Variants in RHBDD1 observed in about 807,000 individuals in gnomAD.
RHBDD1 encodes the protein rhomboid-related protein 4.
A neutral mutation model predicts 36.3 loss-of-function variants in RHBDD1; 38 were observed. That is an observed-to-expected ratio of 1.05 (90% CI 0.81 to 1.37). The LOEUF (loss-of-function observed/expected upper bound fraction) is 1.37, where lower values mean the gene tolerates loss of function less well. Among genes scored for constraint, RHBDD1 ranks in the 40% most tolerant of loss-of-function variants. The probability of loss-of-function intolerance (pLI) is 0.00; values close to 1 mark genes in which losing one functional copy is unlikely to be tolerated. For missense variants in RHBDD1, 393 were observed against 377.6 expected (o/e 1.04, Z -0.34); for synonymous variants, 151 against 136.5 (o/e 1.11, Z -0.74).
In RHBDD1 at chr2:226,865,037, CTGGAG is replaced by C. The variant is rs1382709115; in HGVS notation, c.348_352del (p.Val117IlefsTer14). On this transcript the variant is annotated frameshift_variant, in exon 4 of 9. Coordinates refer to ENST00000392062, the MANE Select transcript of RHBDD1 (RefSeq NM_001167608.3). LOFTEE classifies it high-confidence loss of function. ...GTTATCACCGCATTTTCTGTACTTACTGGAGTGGTATACCTGCTCTTGCAATTTGC... is the reference window on the plus strand; with the variant it reads ...GTTATCACCGCATTTTCTGTACTTACTGGTATACCTGCTCTTGCAATTTGC... 4 of 1,614,160 alleles carry C rather than the reference CTGGAG, an allele frequency of 2.5e-6. No individual in the cohort carries two copies. Among genetic ancestry groups the C allele is most frequent in the Non-Finnish European group, 3.4e-6 (4 of 1,179,988 alleles).
At chr2:226,972,589 C>T (rs534372295) in intron 8 of RHBDD1, among the ~76,000 whole-genome samples, 6 of 152,288 alleles carry the variant, frequency 3.9e-5, no homozygotes, top group South Asian at 4.1e-4. Flanking sequence ...GCTTCATGGA[C>T]GGAGCTTCTG....
chr2:226,894,079 T>C (rs1946896206), intron 5 of RHBDD1, among the ~76,000 whole-genome samples: 1 of 152,186 alleles, frequency 6.6e-6, no homozygotes, highest in Admixed American at 6.5e-5. Context: ...TTAAGAGTTT[T>C]TTAACCTCAC....
intron 8 of RHBDD1, among the ~76,000 whole-genome samples, chr2:226,975,208 A>G (rs868029714): frequency 1.3e-5 from 2 of 152,206 alleles, no homozygotes; most frequent in South Asian, 4.1e-4. Flanking sequence ...TCTTCATAAC[A>G]GGACCATGTA....
the RHBDD1 span, among the ~76,000 whole-genome samples, chr2:226,825,242 A>G: frequency 6.6e-6 from 1 of 152,206 alleles, no homozygotes; most frequent in Non-Finnish European, 1.5e-5. Flanking sequence ...ATTTTTCATT[A>G]TAATCATGGA....
intron 8 of RHBDD1, among the ~76,000 whole-genome samples, chr2:226,928,437 A>G (rs988384833): frequency 1.3e-5 from 2 of 152,120 alleles, no homozygotes; most frequent in Non-Finnish European, 2.9e-5. Context: ...ATGGAAATTA[A>G]ATAATTCTTC....
At chr2:226,892,454 T>C (rs1559238878) in intron 5 of RHBDD1, among the ~76,000 whole-genome samples, 1 of 152,244 alleles carries the variant, frequency 6.6e-6, no homozygotes, top group Admixed American at 6.5e-5. Context: ...TCATCATCTT[T>C]GGCCATGTGC....
At chr2:226,812,653 T>C in the RHBDD1 span, among the ~76,000 whole-genome samples, 1 of 152,138 alleles carries the variant, frequency 6.6e-6, no homozygotes, top group Admixed American at 6.5e-5. Flanking sequence ...CTCTCTTTTT[T>C]TTTGGAAAGC....
At chr2:226,933,837 G>A (rs1173041512) in intron 8 of RHBDD1, among the ~76,000 whole-genome samples, 1 of 152,098 alleles carries the variant, frequency 6.6e-6, no homozygotes. Flanking sequence ...ACTGGGGTTT[G>A]AATTATCATT....
intron 5 of RHBDD1, chr2:226,867,523 C>A (rs1944437112): frequency 1.0e-6 from 1 of 955,102 alleles, no homozygotes; most frequent in East Asian, 1.2e-4. Context: ...TTTTGGGTCA[C>A]TTGTCTTAAC....
chr2:226,961,247 G>A (rs1025943221), intron 8 of RHBDD1, among the ~76,000 whole-genome samples: 1 of 152,112 alleles, frequency 6.6e-6, no homozygotes, highest in African/African-American at 2.4e-5. Flanking sequence ...TGTGGGTAGG[G>A]AGGTATATTA....
intron 8 of RHBDD1, among the ~76,000 whole-genome samples, chr2:226,979,055 A>G (rs765733246): frequency 1.3e-5 from 2 of 152,184 alleles, no homozygotes; most frequent in East Asian, 3.9e-4. Context: ...ATGATAGGCC[A>G]TCTGCGGGCT....
chr2:226,966,238 G>A (rs62189769), intron 8 of RHBDD1, among the ~76,000 whole-genome samples: 1 of 152,140 alleles, frequency 6.6e-6, no homozygotes, highest in African/African-American at 2.4e-5. Context: ...CAGGTGAGAA[G>A]CAGGTCAATC....
chr2:226,896,335 A>G (rs1423980272), intron 5 of RHBDD1, among the ~76,000 whole-genome samples: 3 of 152,326 alleles, frequency 2.0e-5, no homozygotes, highest in Non-Finnish European at 4.4e-5. Flanking sequence ...TGCACAAGCC[A>G]GAAGCCTAGA....
chr2:226,945,622 G>A (rs751356647), intron 8 of RHBDD1, among the ~76,000 whole-genome samples: 16 of 152,018 alleles, frequency 1.1e-4, no homozygotes, highest in Non-Finnish European at 1.9e-4. Context: ...GTAAACATAC[G>A]TCTGCATGTG....
intron 3 of RHBDD1, among the ~76,000 whole-genome samples, chr2:226,849,923 TA>T (rs1234056394): frequency 2.6e-5 from 4 of 152,222 alleles, no homozygotes; most frequent in Admixed American, 2.0e-4. Flanking sequence ...ATTTATTTTT[TA>T]CATCTTGCCA....
At chr2:226,963,781 A>T (rs538630328) in intron 8 of RHBDD1, among the ~76,000 whole-genome samples, 1 of 152,114 alleles carries the variant, frequency 6.6e-6, no homozygotes, top group African/African-American at 2.4e-5. Context: ...CCTATCATAC[A>T]TGCACATTAA....
chr2:226,956,319 C>T (rs1342729065), intron 8 of RHBDD1, among the ~76,000 whole-genome samples: 1 of 152,130 alleles, frequency 6.6e-6, no homozygotes, highest in Non-Finnish European at 1.5e-5. Flanking sequence ...TGATGTAGTC[C>T]CCTCTGCTAG....
intron 5 of RHBDD1, among the ~76,000 whole-genome samples, chr2:226,895,492 G>A (rs1488355646): frequency 6.6e-6 from 1 of 152,176 alleles, no homozygotes; most frequent in African/African-American, 2.4e-5. Context: ...TCTAGGATGT[G>A]TCTGGTTACA....
intron 3 of RHBDD1, among the ~76,000 whole-genome samples, chr2:226,844,977 C>T (rs1391591299): frequency 1.3e-5 from 2 of 152,024 alleles, no homozygotes; most frequent in African/African-American, 2.4e-5. Context: ...CTATATAACA[C>T]TTTTAAAAGG....
Sources: gnomAD v4.1 joint callset for allele counts (sites outside exome capture counted in the v4.1 genomes callset) on GRCh38, gnomAD v4.1.1 for gene constraint, MANE v1.5 for transcripts, NCBI Gene and HGNC (gene_info 2026-07-23, HGNC 2026-07-21) for gene names.